RAB11FIP3: variants seen among roughly 807,000 people sequenced by gnomAD.
RAB11FIP3 encodes the protein RAB11 family interacting protein 3.
In RAB11FIP3, 17 loss-of-function variants were observed where a neutral mutation model predicts 77.8. The observed-to-expected ratio is 0.22, with a 90% CI of 0.15 to 0.33. The LOEUF is 0.33. RAB11FIP3 is among the 10% of genes least tolerant of loss of function. The pLI, the probability that RAB11FIP3 is intolerant of heterozygous loss-of-function variation, is 1.00. For missense variants in RAB11FIP3, 1,005 were observed against 1,011.2 expected, an observed-to-expected ratio of 0.99 and a Z score of 0.08; for synonymous variants, 437 against 448.2, an observed-to-expected ratio of 0.98 and a Z score of 0.31.
In RAB11FIP3 at chr16:426,239, T is replaced by A. The variant is rs2054939075; in HGVS notation, c.233T>A (p.Leu78Gln). ...ARWSAGPAPG[L>Q]EGGPRDPGPS... ...TGGAGCGCCGGGCCGGCCCCGGGGCTGGAGGGAGGCCCGCGAGACCCCGGG... is the reference window on the plus strand; with the variant it reads ...TGGAGCGCCGGGCCGGCCCCGGGGCAGGAGGGAGGCCCGCGAGACCCCGGG... Residue 78 changes from leucine (L) to glutamine (Q), a missense_variant, in exon 1 of 14, where the codon CTG becomes CAG. Physicochemically the swap from Leu to Gln is moderately radical, Grantham distance 113 (BLOSUM62 -2). Around this residue, in one of 4 missense-constraint regions of RAB11FIP3, gnomAD observed 466 missense variants for 408.3 expected, o/e 1.14. Coordinates refer to ENST00000262305, the MANE Select transcript of RAB11FIP3 (RefSeq NM_014700.4). This position sits in a 1 kb window ranked among gnomAD's most constrained non-coding sequence, Gnocchi z 5.0. The A allele has an allele frequency of 9.2e-7, 1 of 1,084,710 alleles. No individual in the cohort carries two copies. Among genetic ancestry groups the A allele is most frequent in the Non-Finnish European group, 1.1e-6 (1 of 895,914 alleles). The allele number at this position is 1,084,710 out of a possible 1,614,324, so 67.2% of individuals were successfully genotyped here.
Position 427,489 on chromosome 16 carries a change from G to A in RAB11FIP3, c.714+769G>A, listed in dbSNP as rs924620734. 4.4e-4 allele frequency among the ~76,000 whole-genome samples: 67 copies of A among 152,224 alleles called. 1 individual carries two copies. On this transcript the variant is annotated intron_variant, in intron 1 of 13. Transcript: ENST00000262305. ...GGTCCTCAGGGCACCTGCTCCTGGG[G>A]GAAAGGTGGGCCCCAAGATGCAGTT...
At position 519,014 on chromosome 16, in the gene RAB11FIP3, G is replaced by C; in HGVS notation, c.1712G>C (p.Arg571Pro). Residue 571 changes from arginine to proline, a missense_variant, in exon 10 of 14, where the codon CGT becomes CCT. Physicochemically the swap from Arg to Pro is moderately radical, Grantham distance 103. Transcript: ENST00000262305. ...CCCTGTCTGAAGGCCAACATTGAGC[G>C]TCTGGAGGAGGTGAGCTGCCAACAG... ...CTPCLKANIE[R>P]LEEEKQKLLD... 2 of 1,613,364 alleles carry C rather than the reference G, an allele frequency of 1.2e-6. No homozygotes were observed. Among genetic ancestry groups the C allele is most frequent in the Non-Finnish European group, 1.7e-6 (2 of 1,179,998 alleles).
At chr16:479,285 AG>A (rs2055985181) in intron 3 of RAB11FIP3, among the ~76,000 whole-genome samples, 1 of 152,020 alleles carries the variant, frequency 6.6e-6, no homozygotes, top group African/African-American at 2.4e-5. Context: ...CCAGCTACTC[AG>A]GAGGCTGAGG....
chr16:445,113 CA>C (rs56706849), intron 1 of RAB11FIP3, among the ~76,000 whole-genome samples: 64 of 70,806 alleles, frequency 9.0e-4, no homozygotes, highest in South Asian at 2.2e-3. Context: ...GACTCTGTCT[CA>C]AAAAAAAAAA....
At chr16:441,343 G>A (rs911303688) in intron 1 of RAB11FIP3, among the ~76,000 whole-genome samples, 5 of 152,090 alleles carry the variant, frequency 3.3e-5, no homozygotes, top group African/African-American at 9.7e-5. Context: ...GCGTATCCAC[G>A]ATTAAACAAA....
rs766558859 is a variant in RAB11FIP3 at position 519,704 on chromosome 16, G to A, written c.1723-50G>A. The stretch of plus-strand genomic sequence containing the variant: ...GACAGACGGCCGGGGCAAGCTGCAT[G>A]CACAGGTAGGTGCGTGACCCGCATC... On this transcript the variant is annotated intron_variant, in intron 10 of 13. Transcript: ENST00000262305. 4 of 1,591,570 alleles carry A rather than the reference G, an allele frequency of 2.5e-6. No homozygotes were observed. In the South Asian group the frequency reaches 4.5e-5, roughly 18 times the overall value.
chr16:427,085 C>T (rs558412615), intron 1 of RAB11FIP3, among the ~76,000 whole-genome samples: 183 of 152,242 alleles, frequency 1.2e-3, no homozygotes, highest in African/African-American at 4.1e-3. Context: ...AGAAGTTCCC[C>T]GCGATTCCCC....
chr16:496,023 T>C (rs527723767), intron 5 of RAB11FIP3, among the ~76,000 whole-genome samples: 43 of 152,298 alleles, frequency 2.8e-4, no homozygotes, highest in African/African-American at 9.6e-4. Context: ...GTGCTCAGAT[T>C]GTAGGCATGA....
At chr16:462,422 A>G (rs1023741697) in intron 2 of RAB11FIP3, among the ~76,000 whole-genome samples, 1 of 152,148 alleles carries the variant, frequency 6.6e-6, no homozygotes, top group African/African-American at 2.4e-5. Flanking sequence ...TTTAGTAGAG[A>G]CGGGGTTTCA....
In RAB11FIP3 at chr16:505,367, G is replaced by A. The variant is rs1028719237; in HGVS notation, c.1396-157G>A. On this transcript the variant is annotated intron_variant, in intron 7 of 13. Coordinates refer to ENST00000262305, the MANE Select transcript of RAB11FIP3 (RefSeq NM_014700.4). This position sits in a 1 kb window ranked among gnomAD's most constrained non-coding sequence, Gnocchi z 4.0. ...GCCCCATTAGGAGCTGCACCTTTGTGGGTTTATGGGACAAGTTGGATCCAA... is the reference window on the plus strand; with the variant it reads ...GCCCCATTAGGAGCTGCACCTTTGTAGGTTTATGGGACAAGTTGGATCCAA... Among the ~76,000 whole-genome samples the A allele has an allele frequency of 3.3e-5, 5 of 152,210 alleles. No homozygotes were observed. The highest frequency in any genetic ancestry group is 1.3e-4 in the Admixed American group (2 of 15,284).
intron 1 of RAB11FIP3, among the ~76,000 whole-genome samples, chr16:427,843 T>C (rs1019200227): frequency 6.6e-6 from 1 of 152,112 alleles, no homozygotes; most frequent in Non-Finnish European, 1.5e-5. Context: ...CTCATGCCTG[T>C]AATCCCAGCA....
In RAB11FIP3 at chr16:505,760, G is replaced by A; in HGVS notation, c.1499+133G>A. On this transcript the variant is annotated intron_variant, in intron 8 of 13. Transcript: ENST00000262305. This position sits in a 1 kb window ranked among gnomAD's most constrained non-coding sequence, Gnocchi z 4.0. ...TCCATCCCCGTTGGAAGCCGGCTGAGGGGGTGGTGCCAGGTGGTCATCTGA... is the reference window on the plus strand; with the variant it reads ...TCCATCCCCGTTGGAAGCCGGCTGAAGGGGTGGTGCCAGGTGGTCATCTGA... The A allele has an allele frequency of 1.3e-6, 1 of 774,512 alleles. No individual in the cohort carries two copies. 48.0% of individuals were successfully genotyped at this position (774,512 alleles called of 1,614,324 possible). A position where few individuals can be genotyped will look rare whatever the true frequency, so the allele number is the denominator to read the frequency against.
At chr16:430,754 G>C (rs544581262) in intron 1 of RAB11FIP3, among the ~76,000 whole-genome samples, 1 of 152,288 alleles carries the variant, frequency 6.6e-6, no homozygotes, top group Non-Finnish European at 1.5e-5. Context: ...AGTGGCTCAC[G>C]CCTGTAATCC....
At chr16:431,254 G>T (rs575568944) in intron 1 of RAB11FIP3, among the ~76,000 whole-genome samples, 1 of 152,050 alleles carries the variant, frequency 6.6e-6, no homozygotes, top group Non-Finnish European at 1.5e-5. Flanking sequence ...ATGTATTCTG[G>T]GTCTACATGC....
chr16:509,822 C>G (rs915980392), intron 8 of RAB11FIP3, among the ~76,000 whole-genome samples: 4 of 152,196 alleles, frequency 2.6e-5, no homozygotes, highest in African/African-American at 9.7e-5. Flanking sequence ...CCAGACTCGT[C>G]CTGGCTCCCA....
At chr16:458,556 G>A (rs34076345) in intron 1 of RAB11FIP3, among the ~76,000 whole-genome samples, 3 of 150,218 alleles carry the variant, frequency 2.0e-5, no homozygotes, top group Admixed American at 6.6e-5. Context: ...GGCCTGGGGG[G>A]CCTTCCTCGG....
In RAB11FIP3 at chr16:522,381, C is replaced by G. The variant is rs563086072; in HGVS notation, c.*1542C>G. ...ACTGTAAGCATGGACTCCCAGGAGA[C>G]AGTGTGGGAAACGCTCCTGCTTTAA... On this transcript the variant is annotated 3_prime_UTR_variant, in exon 14 of 14. Coordinates refer to ENST00000262305, the MANE Select transcript of RAB11FIP3 (RefSeq NM_014700.4). 2 of 151,988 alleles carry G rather than the reference C, an allele frequency of 1.3e-5. No individual in the cohort carries two copies. Among genetic ancestry groups the G allele is most frequent in the East Asian group, 1.9e-4 (1 of 5,156 alleles). The allele number at this position is 151,988 out of a possible 1,614,324, so 9.4% of individuals were successfully genotyped here. A position where few individuals can be genotyped will look rare whatever the true frequency, so the allele number is the denominator to read the frequency against.
At chr16:512,424 T>A (rs1365194328) in intron 9 of RAB11FIP3, among the ~76,000 whole-genome samples, 1 of 151,908 alleles carries the variant, frequency 6.6e-6, no homozygotes, top group Non-Finnish European at 1.5e-5. Flanking sequence ...GTAATTTTAG[T>A]AGAGACGGGG....
chr16:467,696 A>G (rs1326041422), intron 2 of RAB11FIP3, among the ~76,000 whole-genome samples: 7 of 30,658 alleles, frequency 2.3e-4, no homozygotes, highest in African/African-American at 3.9e-4. Flanking sequence ...GAGGAGGTGC[A>G]GGGGCGTCAG....
Sources: allele counts gnomAD v4.1 joint callset (sites outside exome capture counted in the v4.1 genomes callset), GRCh38; gene constraint gnomAD v4.1.1; regional missense constraint gnomAD v4.1.1; non-coding constraint Gnocchi (gnomAD v3.1); transcripts MANE v1.5; gene names NCBI Gene and HGNC (gene_info 2026-07-23, HGNC 2026-07-21).